The following MAD1L1 variants were observed in gnomAD, a reference collection of about 807,000 sequenced individuals.
The protein encoded by MAD1L1 is mitotic spindle assembly checkpoint protein MAD1.
Under a neutral mutation model 96.9 loss-of-function variants are expected in MAD1L1, and 95 were observed. That is an observed-to-expected ratio of 0.98 (90% CI 0.83 to 1.16). MAD1L1 has a LOEUF of 1.16. Ranked by LOEUF, MAD1L1 falls within the 50% of genes most tolerant of loss-of-function variation. MAD1L1 has a pLI of 0.00. For synonymous variants in MAD1L1, 473 were observed against 396.6 expected (o/e 1.19, Z -2.29); for missense variants, 1,007 against 954.4 (o/e 1.06, Z -0.73).
At chr7:2,087,686 C>T (rs1229140331) in intron 11 of MAD1L1, among the ~76,000 whole-genome samples, 1 of 152,180 alleles carries the variant, frequency 6.6e-6, no homozygotes, top group Non-Finnish European at 1.5e-5. Context: ...CTGTGCCGAT[C>T]GCAAAGGAAC....
intron 18 of MAD1L1, among the ~76,000 whole-genome samples, chr7:1,885,447 A>C (rs1050262662): frequency 8.6e-5 from 13 of 151,860 alleles, no homozygotes; most frequent in African/African-American, 3.2e-4. Context: ...AGGCCAGTGC[A>C]CTCAGACAGG....
intron 11 of MAD1L1, among the ~76,000 whole-genome samples, chr7:2,116,842 G>A (rs1307512299): frequency 6.6e-6 from 1 of 152,244 alleles, no homozygotes; most frequent in Non-Finnish European, 1.5e-5. Flanking sequence ...TGCCTCTGCA[G>A]GCCTGGGCGG....
At chr7:2,001,566 G>T (rs376939163) in intron 14 of MAD1L1, among the ~76,000 whole-genome samples, 1 of 152,184 alleles carries the variant, frequency 6.6e-6, no homozygotes, top group Non-Finnish European at 1.5e-5. Context: ...TTAAAAGCAC[G>T]CCTGCTGCAT....
intron 11 of MAD1L1, among the ~76,000 whole-genome samples, chr7:2,139,292 C>G (rs1319984456): frequency 6.6e-6 from 1 of 152,080 alleles, no homozygotes; most frequent in Non-Finnish European, 1.5e-5. Flanking sequence ...CCTCCCCGCA[C>G]CCCCACCCCA....
At chr7:1,913,692 G>C (rs1788167299) in intron 17 of MAD1L1, among the ~76,000 whole-genome samples, 1 of 152,090 alleles carries the variant, frequency 6.6e-6, no homozygotes, top group South Asian at 2.1e-4. Context: ...GCAGCCCCCA[G>C]TGGCCTCTCC....
chr7:2,120,805 G>A (rs915593441), intron 11 of MAD1L1, among the ~76,000 whole-genome samples: 3 of 152,192 alleles, frequency 2.0e-5, no homozygotes, highest in East Asian at 1.9e-4. Context: ...GGAGGAACTC[G>A]GGGGACAGCA....
At chr7:1,886,752 A>G (rs1374795053) in intron 18 of MAD1L1, among the ~76,000 whole-genome samples, 1 of 152,272 alleles carries the variant, frequency 6.6e-6, no homozygotes, top group Non-Finnish European at 1.5e-5. Context: ...AGCTGTGGCC[A>G]GGCACATGGC....
chr7:2,209,831 C>T (rs1314984343), intron 10 of MAD1L1: 1 of 152,446 alleles, frequency 6.6e-6, no homozygotes, highest in African/African-American at 2.4e-5. Context: ...CTCAGGTCCC[C>T]ACGGCTGAGA....
intron 10 of MAD1L1, among the ~76,000 whole-genome samples, chr7:2,194,780 TAA>T (rs559662189): frequency 2.0e-5 from 3 of 152,138 alleles, no homozygotes; most frequent in Non-Finnish European, 4.4e-5. Context: ...TTTCTATTAT[TAA>T]AAGTCTTTGG....
intron 16 of MAD1L1, among the ~76,000 whole-genome samples, chr7:1,946,896 G>C (rs1235424329): frequency 6.6e-6 from 1 of 152,234 alleles, no homozygotes; most frequent in Non-Finnish European, 1.5e-5. Flanking sequence ...CCTCGGCCTC[G>C]ACGGCCCGTT....
intron 16 of MAD1L1, among the ~76,000 whole-genome samples, chr7:1,955,650 C>T (rs1445581426): frequency 2.0e-5 from 3 of 152,138 alleles, no homozygotes; most frequent in Non-Finnish European, 4.4e-5. Context: ...GCACACCCAG[C>T]ACGGTGACAA....
rs538447696 is a variant in MAD1L1 at position 1,861,378 on chromosome 7, G to A, written c.1998+36822C>T. Among the ~76,000 whole-genome samples, 6 of 152,350 alleles carry A rather than the reference G, an allele frequency of 3.9e-5. No homozygotes were observed. In the South Asian group the frequency reaches 6.2e-4, roughly 16 times the overall value. On this transcript the variant is annotated intron_variant, in intron 18 of 18. Transcript: ENST00000265854. ...CTAAAGGCCACAAGGGCCAGGACAC[G>A]CCTCTAAACAGAAGCGTCACTGCTC...
Position 2,220,327 on chromosome 7 carries a change from G to A in MAD1L1, c.472-871C>T, listed in dbSNP as rs138058450. 2.6e-4 allele frequency among the ~76,000 whole-genome samples: 39 copies of A among 152,246 alleles called. No homozygotes were observed. In the East Asian group the frequency reaches 4.3e-3, roughly 17 times the overall value. On this transcript the variant is annotated intron_variant, in intron 5 of 18. Coordinates refer to ENST00000265854, the MANE Select transcript of MAD1L1 (RefSeq NM_001013836.2). ...GCCTGACATCATGGAACCCGCACGCGACAGAACCGCCAGGCTTCCTCCTGA... is the reference window on the plus strand; with the variant it reads ...GCCTGACATCATGGAACCCGCACGCAACAGAACCGCCAGGCTTCCTCCTGA...
At chr7:2,189,614 A>G (rs1367543742) in intron 10 of MAD1L1, among the ~76,000 whole-genome samples, 2 of 152,242 alleles carry the variant, frequency 1.3e-5, no homozygotes, top group African/African-American at 4.8e-5. Context: ...AGAGGCAGGA[A>G]GCAGAATGGT....
At chr7:1,887,777 G>A (rs916040276) in intron 18 of MAD1L1, among the ~76,000 whole-genome samples, 14 of 148,850 alleles carry the variant, frequency 9.4e-5, no homozygotes, top group African/African-American at 3.3e-4. Flanking sequence ...GGCTGCCTGT[G>A]TGTGTGCATG....
chr7:1,977,884 A>C (rs1372247933), intron 15 of MAD1L1, among the ~76,000 whole-genome samples: 1 of 152,228 alleles, frequency 6.6e-6, no homozygotes, highest in Non-Finnish European at 1.5e-5. Flanking sequence ...ACCTTCACAG[A>C]TGCTGGAAGC....
At chr7:1,931,253 C>T (rs554401214) in intron 17 of MAD1L1, among the ~76,000 whole-genome samples, 5 of 152,128 alleles carry the variant, frequency 3.3e-5, no homozygotes, top group East Asian at 1.9e-4. Flanking sequence ...ACCCCACGCA[C>T]GGTCACAGGA....
intron 12 of MAD1L1, among the ~76,000 whole-genome samples, chr7:2,052,473 C>G (rs1784225485): frequency 6.6e-6 from 1 of 152,004 alleles, no homozygotes. Flanking sequence ...CTCACTAGGG[C>G]CCAGGCACAG....
chr7:2,091,334 C>T (rs1786201507), intron 11 of MAD1L1, among the ~76,000 whole-genome samples: 1 of 152,126 alleles, frequency 6.6e-6, no homozygotes, highest in African/African-American at 2.4e-5. Context: ...CTCCGGGCCC[C>T]GCAGCAGTAC....
Sources: gnomAD v4.1 joint callset for allele counts (sites outside exome capture counted in the v4.1 genomes callset) on GRCh38, gnomAD v4.1.1 for gene constraint, MANE v1.5 for transcripts, NCBI Gene and HGNC (gene_info 2026-07-23, HGNC 2026-07-21) for gene names.